The following STK3 variants were observed in gnomAD, a reference collection of about 807,000 sequenced individuals.
STK3 encodes serine/threonine-protein kinase 3.
STK3 carries 41 observed loss-of-function variants against 58.0 expected under a neutral mutation model. That is an observed-to-expected ratio of 0.71 (90% CI 0.55 to 0.92). STK3 has a LOEUF of 0.92. STK3 is among the 40% of genes least tolerant of loss of function. The pLI is 0.00. For synonymous variants in STK3, 170 were observed against 191.0 expected (o/e 0.89, Z 0.91); for missense variants, 479 against 602.7 (o/e 0.79, Z 2.15).
chr8:98,884,497 G>A (rs182439534), intron 1 of STK3, among the ~76,000 whole-genome samples: 136 of 152,212 alleles, frequency 8.9e-4, no homozygotes, highest in Non-Finnish European at 1.3e-3. Context: ...CAATACAATA[G>A]CTTATCCTAC....
In STK3 at chr8:98,508,914, G is replaced by A. The variant is rs533423236; in HGVS notation, c.1317+17828C>T. 1.5e-3 allele frequency among the ~76,000 whole-genome samples: 222 copies of A among 152,064 alleles called. 1 individual carries two copies. The highest frequency in any genetic ancestry group is 2.4e-3 in the Non-Finnish European group (165 of 67,932). On this transcript the variant is annotated intron_variant, in intron 10 of 10. Coordinates refer to ENST00000419617, the MANE Select transcript of STK3 (RefSeq NM_006281.4). ...ACACAAAAGATTTAGGAAAGGTCAA[G>A]GTAAGAACTAATGATGTATTCTTAC...
intron 6 of STK3, among the ~76,000 whole-genome samples, chr8:98,599,373 T>C (rs1816125083): frequency 6.6e-6 from 1 of 151,982 alleles, no homozygotes; most frequent in Non-Finnish European, 1.5e-5. Flanking sequence ...ATGAGGCCAA[T>C]ACTGGACATG....
At position 98,749,396 on chromosome 8, in the gene STK3, G is replaced by A; in HGVS notation, c.237-6C>T. 6.9e-7 allele frequency: 1 copy of A among 1,446,618 alleles called. No individual in the cohort carries two copies. The highest frequency in any genetic ancestry group is 1.4e-5 in the South Asian group (1 of 70,922). The allele number at this position is 1,446,618 out of a possible 1,614,324, so 89.6% of individuals were successfully genotyped here. A position where few individuals can be genotyped will look rare whatever the true frequency, so the allele number is the denominator to read the frequency against. On this transcript the variant is annotated splice_region_variant and splice_polypyrimidine_tract_variant and intron_variant, in intron 3 of 10. Transcript: ENST00000419617. ...AGTACTTTACAACATATGGGCTAAAGGAAAATACATAAACAATTAAATTTA... is the reference window on the plus strand; with the variant it reads ...AGTACTTTACAACATATGGGCTAAAAGAAAATACATAAACAATTAAATTTA...
chr8:98,534,606 A>G (rs1050275239), intron 9 of STK3, among the ~76,000 whole-genome samples: 1 of 152,200 alleles, frequency 6.6e-6, no homozygotes, highest in African/African-American at 2.4e-5. Context: ...CAAAAATAGA[A>G]ATTGGTTAAT....
In STK3 at chr8:98,932,989, TC is replaced by T. The variant is rs200162777; in HGVS notation, c.-79+9388del. On this transcript the variant is annotated intron_variant, in intron 1 of 1. Transcript: ENST00000519420. ...AGCTAGTTTGAGGAAATTACTTTCCTCCTGAGCCTCTGTGGCCACATAGGTA... is the reference window on the plus strand; with the variant it reads ...AGCTAGTTTGAGGAAATTACTTTCCTCTGAGCCTCTGTGGCCACATAGGTA... Among the ~76,000 whole-genome samples the T allele has an allele frequency of 8.2e-3, 1,246 of 151,386 alleles. 9 individuals are homozygous for T. Among genetic ancestry groups the T allele is most frequent in the Middle Eastern group, 0.024 (7 of 294 alleles).
At chr8:98,539,561 A>G (rs1202788195) in intron 9 of STK3, among the ~76,000 whole-genome samples, 3 of 152,168 alleles carry the variant, frequency 2.0e-5, no homozygotes, top group African/African-American at 7.2e-5. Context: ...AACTGCATAT[A>G]TGTGCTGTCC....
chr8:98,711,651 T>C (rs1020141429), intron 4 of STK3, among the ~76,000 whole-genome samples: 2 of 152,132 alleles, frequency 1.3e-5, no homozygotes, highest in Admixed American at 1.3e-4. Context: ...ACCAAATCTA[T>C]GTCTGATTGG....
intron 1 of STK3, among the ~76,000 whole-genome samples, chr8:98,441,035 C>A (rs1178113398): frequency 1.3e-5 from 2 of 152,160 alleles, no homozygotes; most frequent in African/African-American, 4.8e-5. Context: ...AGAGTCATTG[C>A]ATTTTAGTCT....
intron 6 of STK3, among the ~76,000 whole-genome samples, chr8:98,700,690 T>C (rs1019350806): frequency 5.9e-5 from 9 of 152,228 alleles, no homozygotes; most frequent in African/African-American, 1.9e-4. Flanking sequence ...GTTATAAACA[T>C]TCAGTATTGC....
At chr8:98,892,366 A>G (rs1838230365) in intron 1 of STK3, among the ~76,000 whole-genome samples, 1 of 152,192 alleles carries the variant, frequency 6.6e-6, no homozygotes, top group Admixed American at 6.5e-5. Context: ...TGCAACTGCA[A>G]CAAATGTGAT....
chr8:98,439,622 AT>A lies in STK3; in HGVS notation n.186-2415del, dbSNP rs528043820. Among the ~76,000 whole-genome samples the A allele has an allele frequency of 4.5e-3, 686 of 152,256 alleles. 6 individuals carry two copies. The highest frequency in any genetic ancestry group is 7.3e-3 in the Non-Finnish European group (494 of 68,026). On this transcript the variant is annotated intron_variant and non_coding_transcript_variant, in intron 1 of 3. Coordinates refer to the STK3 transcript ENST00000517832. The stretch of plus-strand genomic sequence containing the variant: ...CAGGGTTCAGTGGAAATCACACACT[AT>A]TAGGCATCAGAGCAGTGGTCAACAC...
chr8:98,893,486 G>GAGAGAGAAAGAA (rs1838312484), intron 1 of STK3, among the ~76,000 whole-genome samples: 1 of 42,998 alleles, frequency 2.3e-5, no homozygotes, highest in Non-Finnish European at 4.3e-5. Flanking sequence ...AAGAAAGAAA[G>GAGAGAGAAAGAA]AGAAAGAAAG....
At chr8:98,792,845 T>C (rs1832891889) in intron 1 of STK3, among the ~76,000 whole-genome samples, 1 of 152,008 alleles carries the variant, frequency 6.6e-6, no homozygotes, top group Non-Finnish European at 1.5e-5. Flanking sequence ...ATTGCAAAAA[T>C]GTGGAACCAA....
intron 3 of STK3, among the ~76,000 whole-genome samples, chr8:98,406,560 GT>G (rs1817995185): frequency 6.6e-6 from 1 of 152,122 alleles, no homozygotes; most frequent in African/African-American, 2.4e-5. Context: ...AGACTTACAG[GT>G]TTATTAAGTG....
At chr8:98,715,842 C>T (rs1166719819) in intron 4 of STK3, among the ~76,000 whole-genome samples, 5 of 152,116 alleles carry the variant, frequency 3.3e-5, no homozygotes, top group Admixed American at 2.0e-4. Context: ...CGTATGTTTA[C>T]TGTGGCACTA....
rs554813924 is a variant in STK3 at position 98,676,831 on chromosome 8, G to A, written c.684+29636C>T. ...TTTAAAAGCTGGTTAAGGTCTTTCA[G>A]TAATTAGCTTCACTCTAAATTATTT... On this transcript the variant is annotated intron_variant, in intron 6 of 10. Coordinates refer to ENST00000419617, the MANE Select transcript of STK3 (RefSeq NM_006281.4). Among the ~76,000 whole-genome samples, 3 of 152,244 alleles carry A rather than the reference G, an allele frequency of 2.0e-5. No homozygotes were observed. The East Asian group carries it at 5.8e-4, about 29-fold the overall frequency.
intron 1 of STK3, among the ~76,000 whole-genome samples, chr8:98,902,202 C>G (rs1166426438): frequency 6.6e-6 from 1 of 152,158 alleles, no homozygotes; most frequent in East Asian, 1.9e-4. Context: ...GTTCTGTCCT[C>G]TTTATGAACT....
intron 3 of STK3, among the ~76,000 whole-genome samples, chr8:98,871,789 C>T (rs1435092227): frequency 6.6e-6 from 1 of 152,174 alleles, no homozygotes; most frequent in African/African-American, 2.4e-5. Context: ...CATCTGCAAA[C>T]AGGGACAATT....
intron 8 of STK3, among the ~76,000 whole-genome samples, chr8:98,575,589 TGC>T (rs1813332076): frequency 6.6e-6 from 1 of 151,784 alleles, no homozygotes; most frequent in Non-Finnish European, 1.5e-5. Flanking sequence ...AACAACAATT[TGC>T]CTATAATTCA....
Sources: allele counts gnomAD v4.1 joint callset (sites outside exome capture counted in the v4.1 genomes callset), GRCh38; gene constraint gnomAD v4.1.1; transcripts MANE v1.5; gene names NCBI Gene and HGNC (gene_info 2026-07-23, HGNC 2026-07-21).